The following PCDHGA10 variants were observed in gnomAD, a reference collection of about 807,000 sequenced individuals.
PCDHGA10 encodes protocadherin gamma subfamily A, 10, also known as protocadherin gamma-A10.
A neutral mutation model predicts 59.5 loss-of-function variants in PCDHGA10; 42 were observed. That is an observed-to-expected ratio of 0.71 (90% CI 0.55 to 0.91). The LOEUF is 0.91. PCDHGA10 is among the 40% of genes least tolerant of loss of function. The probability of loss-of-function intolerance (pLI) is 0.00; values close to 1 mark genes in which losing one functional copy is unlikely to be tolerated. For missense variants in PCDHGA10, 1,111 were observed against 1,198.2 expected, an observed-to-expected ratio of 0.93 and a Z score of 1.07; for synonymous variants, 511 against 517.2, an observed-to-expected ratio of 0.99 and a Z score of 0.16.
At chr5:141,499,423 GA>G (rs1229901490) in intron 2 of PCDHGA10, among the ~76,000 whole-genome samples, 3 of 151,756 alleles carry the variant, frequency 2.0e-5, no homozygotes, top group Non-Finnish European at 2.9e-5. Flanking sequence ...ATGAAAAATA[GA>G]AAAAAAATTA....
At position 141,422,383 on chromosome 5, in the gene PCDHGA10, T is replaced by C. The variant is rs201301291; in HGVS notation, c.2436+6772T>C. On this transcript the variant is annotated intron_variant, in intron 1 of 3. Transcript: ENST00000398610. ...TGGAGAAAATGGTCAAGTCTCCTGT[T>C]TTATTCCTAACCACCTGCCTTTTAA... 554 of 1,586,008 alleles carry C rather than the reference T, an allele frequency of 3.5e-4. 2 individuals are homozygous for C. The African/African-American group carries it at 6.9e-3, about 20-fold the overall frequency.
At chr5:141,419,567 G>A in intron 1 of PCDHGA10, 1 of 1,611,758 alleles carries the variant, frequency 6.2e-7, no homozygotes, top group Non-Finnish European at 8.5e-7. Context: ...GCTGGGTCCC[G>A]ACGGCTCCGC....
intron 1 of PCDHGA10, among the ~76,000 whole-genome samples, chr5:141,471,992 C>T (rs2099268578): frequency 6.6e-6 from 1 of 152,070 alleles, no homozygotes; most frequent in Non-Finnish European, 1.5e-5. Flanking sequence ...TATTAAAAAT[C>T]CCTGCATCGT....
At position 141,477,262 on chromosome 5, in the gene PCDHGA10, C is replaced by G; in HGVS notation, c.2437-17545C>G. On this transcript the variant is annotated intron_variant, in intron 1 of 3. Coordinates refer to ENST00000398610, the MANE Select transcript of PCDHGA10 (RefSeq NM_018913.3). The surrounding 1 kb of genome is among the most constrained non-coding windows in gnomAD (Gnocchi z 4.9). ...TCAGTGTGACTGACCTGGATGCTGG[C>G]GAGAACGGGCTGGTGACCTGCGAAG... The G allele has an allele frequency of 6.2e-7, 1 of 1,614,138 alleles. No homozygotes were observed.
intron 1 of PCDHGA10, among the ~76,000 whole-genome samples, chr5:141,482,530 C>CAAAAAAAAAAAAA (rs3074545): frequency 3.9e-5 from 3 of 76,560 alleles, no homozygotes; most frequent in African/African-American, 9.6e-5. Context: ...GACAGACATG[C>CAAAAAAAAAAAAA]AAAAAAAAAA....
At chr5:141,480,859 A>G (rs1197372110) in intron 1 of PCDHGA10, among the ~76,000 whole-genome samples, 2 of 152,178 alleles carry the variant, frequency 1.3e-5, no homozygotes, top group Non-Finnish European at 2.9e-5. Context: ...AGCCTGGCCA[A>G]TATGGTGAAA....
rs774630488 is a variant in PCDHGA10 at position 141,490,640 on chromosome 5, G to A, written c.2437-4167G>A. On this transcript the variant is annotated intron_variant, in intron 1 of 3. Transcript: ENST00000398610. The surrounding 1 kb of genome is among the most constrained non-coding windows in gnomAD (Gnocchi z 5.4). Reference sequence around the variant, plus strand: ...TACACTGCTTACATCCTAGAAAACCGGCCTCCGGGCTCCCTTCTTTGCACT... The same window carrying A: ...TACACTGCTTACATCCTAGAAAACCAGCCTCCGGGCTCCCTTCTTTGCACT... 2.6e-5 allele frequency: 42 copies of A among 1,614,004 alleles called. No individual in the cohort carries two copies. The highest frequency in any genetic ancestry group is 1.6e-4 in the Middle Eastern group (1 of 6,084).
At chr5:141,451,535 A>G (rs150174911) in intron 1 of PCDHGA10, among the ~76,000 whole-genome samples, 2 of 152,328 alleles carry the variant, frequency 1.3e-5, no homozygotes, top group Non-Finnish European at 2.9e-5. Flanking sequence ...GGAGAGTGCC[A>G]GAGAGGGCAA....
intron 2 of PCDHGA10, among the ~76,000 whole-genome samples, chr5:141,502,625 T>G (rs2099815384): frequency 6.6e-6 from 1 of 152,210 alleles, no homozygotes; most frequent in Admixed American, 6.5e-5. Context: ...ATAAGTAATC[T>G]GTGGATGATA....
At position 141,486,415 on chromosome 5, in the gene PCDHGA10, T is replaced by C. The variant is rs745877804; in HGVS notation, c.2437-8392T>C. On this transcript the variant is annotated intron_variant, in intron 1 of 3. Transcript: ENST00000398610. The surrounding 1 kb of genome is among the most constrained non-coding windows in gnomAD (Gnocchi z 5.0). ...CCCTGGTGACTGCTGGACCCTTGGA[T>C]CGAGAGGCCAAATCTAGCTATGACA... 6.2e-7 allele frequency: 1 copy of C among 1,614,176 alleles called. No individual in the cohort carries two copies. The highest frequency in any genetic ancestry group is 8.5e-7 in the Non-Finnish European group (1 of 1,180,022).
At chr5:141,427,914 A>C in intron 1 of PCDHGA10, 1 of 1,576,800 alleles carries the variant, frequency 6.3e-7, no homozygotes, top group Non-Finnish European at 8.7e-7. Flanking sequence ...CAGCGCCAAC[A>C]TGAGCCGGCG....
rs764070772 is a variant in PCDHGA10, at chr5:141,476,415, C to T, written c.2437-18392C>T. ...CTGGATCGAGAGGAGCTGTGTGGGACACTGCCCTCTTGCACTGTAACTCTG... is the reference window on the plus strand; with the variant it reads ...CTGGATCGAGAGGAGCTGTGTGGGATACTGCCCTCTTGCACTGTAACTCTG... On this transcript the variant is annotated intron_variant, in intron 1 of 3. Transcript: ENST00000398610. This position sits in a 1 kb window ranked among gnomAD's most constrained non-coding sequence, Gnocchi z 7.6. 2.5e-6 allele frequency: 4 copies of T among 1,614,098 alleles called. No homozygotes were observed. The South Asian group carries it at 4.4e-5, about 18-fold the overall frequency.
intron 1 of PCDHGA10, among the ~76,000 whole-genome samples, chr5:141,488,305 T>C (rs1452293355): frequency 6.6e-6 from 1 of 152,234 alleles, no homozygotes; most frequent in African/African-American, 2.4e-5. Context: ...AAATCACTTA[T>C]GTCAGAAAAC....
chr5:141,413,389 T>G lies in PCDHGA10; in HGVS notation c.214T>G (p.Ser72Ala). 1 of 1,613,986 alleles carries G rather than the reference T, an allele frequency of 6.2e-7. No homozygotes were observed. The highest frequency in any genetic ancestry group is 8.5e-7 in the Non-Finnish European group (1 of 1,179,904). Residue 72 changes from serine to alanine, a missense_variant, in exon 1 of 4, where the codon TCC (serine) becomes GCC (alanine). By Grantham distance (99) the Ser-to-Ala change is moderately conservative. Transcript: ENST00000398610. Reference sequence around the variant, plus strand: ...GGCGGAGCGCGGAGTCCGCATAGTCTCCAGAGGTAGGACGCAGCTTTTCTC... The same window carrying G: ...GGCGGAGCGCGGAGTCCGCATAGTCGCCAGAGGTAGGACGCAGCTTTTCTC... ...ELAERGVRIV[S>A]RGRTQLFSLN...
At chr5:141,478,535 C>G (rs1359742091) in intron 1 of PCDHGA10, 1 of 1,607,794 alleles carries the variant, frequency 6.2e-7, no homozygotes, top group Non-Finnish European at 8.5e-7. Flanking sequence ...AGAGAGCGCC[C>G]CTCCCGGACA....
rs189734474 is a variant in PCDHGA10, at chr5:141,512,858, G to T, written c.*1685G>T. 1 of 152,296 alleles carries T rather than the reference G, an allele frequency of 6.6e-6. No individual in the cohort carries two copies. The highest frequency in any genetic ancestry group is 1.9e-4 in the East Asian group (1 of 5,182). 9.4% of individuals were successfully genotyped at this position (152,296 alleles called of 1,614,324 possible). ...ACTTCTCCTATAAGCGCTTCTCTTC[G>T]CATAGTCACGTAGCTCCCACCCCAC... On this transcript the variant is annotated 3_prime_UTR_variant, in exon 4 of 4. Coordinates refer to ENST00000398610, the MANE Select transcript of PCDHGA10 (RefSeq NM_018913.3).
At position 141,431,435 on chromosome 5, in the gene PCDHGA10, G is replaced by A. The variant is rs376827063; in HGVS notation, c.2436+15824G>A. ...GGGCGACCCGGTGCGCACAGGCACC[G>A]CGCGCATCCGCGTGATGGTTCTGGA... On this transcript the variant is annotated intron_variant, in intron 1 of 3. Coordinates refer to ENST00000398610, the MANE Select transcript of PCDHGA10 (RefSeq NM_018913.3). The surrounding 1 kb of genome is among the most constrained non-coding windows in gnomAD (Gnocchi z 4.8). 2.5e-6 allele frequency: 4 copies of A among 1,613,550 alleles called. No homozygotes were observed. Among genetic ancestry groups the A allele is most frequent in the Non-Finnish European group, 3.4e-6 (4 of 1,180,034 alleles).
chr5:141,424,232 C>A (rs182055138), intron 1 of PCDHGA10: 1 of 158,642 alleles, frequency 6.3e-6, no homozygotes, highest in East Asian at 1.9e-4. Context: ...TATTTTGATT[C>A]TTGGTGGCTG....
intron 1 of PCDHGA10, chr5:141,422,952 C>A (rs759618535): frequency 6.2e-7 from 1 of 1,614,254 alleles, no homozygotes; most frequent in Non-Finnish European, 8.5e-7. Context: ...GCTCCACTGG[C>A]GTGGAGCTGG....
Sources: gnomAD v4.1 joint callset for allele counts (sites outside exome capture counted in the v4.1 genomes callset) on GRCh38, gnomAD v4.1.1 for gene constraint, Gnocchi (gnomAD v3.1) non-coding constraint, MANE v1.5 for transcripts, NCBI Gene and HGNC (gene_info 2026-07-23, HGNC 2026-07-21) for gene names.